The following KIRREL3 variants were observed in gnomAD, a reference collection of about 807,000 sequenced individuals.
The protein encoded by KIRREL3 is kirre like nephrin family adhesion molecule 3.
A neutral mutation model predicts 89.7 loss-of-function variants in KIRREL3; 36 were observed. That is an observed-to-expected ratio of 0.40 (90% CI 0.31 to 0.53). The LOEUF is 0.53. Ranked by LOEUF, KIRREL3 falls within the 20% of genes least tolerant of loss-of-function variation. The pLI is 0.49. For synonymous variants in KIRREL3, 445 were observed against 441.4 expected, an observed-to-expected ratio of 1.01 and a Z score of -0.10; for missense variants, 864 against 1,056.6, an observed-to-expected ratio of 0.82 and a Z score of 2.53.
At chr11:126,961,634 T>C (rs1422080604) in intron 1 of KIRREL3, among the ~76,000 whole-genome samples, 8 of 152,234 alleles carry the variant, frequency 5.3e-5, no homozygotes, top group African/African-American at 1.9e-4. Context: ...TAAGTGCTGA[T>C]GTAGAAGCTG....
Position 126,655,095 on chromosome 11 carries a change from T to C in KIRREL3, c.56-92183A>G, listed in dbSNP as rs1945076776. Among the ~76,000 whole-genome samples, 1 of 152,184 alleles carries C rather than the reference T, an allele frequency of 6.6e-6. No homozygotes were observed. The highest frequency in any genetic ancestry group is 6.5e-5 in the Admixed American group (1 of 15,284). On this transcript the variant is annotated intron_variant, in intron 1 of 16. Coordinates refer to ENST00000525144, the MANE Select transcript of KIRREL3 (RefSeq NM_032531.4). The surrounding 1 kb of genome is among the most constrained non-coding windows in gnomAD (Gnocchi z 5.0). ...GGCAGGTGGTGGTGGAGCACATCTGTCTCTCTCCGTGTTGGTGGCTGTGAT... is the reference window on the plus strand; with the variant it reads ...GGCAGGTGGTGGTGGAGCACATCTGCCTCTCTCCGTGTTGGTGGCTGTGAT...
chr11:126,950,464 G>A (rs375613955), intron 1 of KIRREL3, among the ~76,000 whole-genome samples: 8 of 152,102 alleles, frequency 5.3e-5, no homozygotes, highest in African/African-American at 1.9e-4. Flanking sequence ...ACGGGCAGGC[G>A]GTAAAGATCT....
rs981609082 is a variant in KIRREL3 at position 126,763,259 on chromosome 11, G to A, written c.56-200347C>T. On this transcript the variant is annotated intron_variant, in intron 1 of 16. Coordinates refer to ENST00000525144, the MANE Select transcript of KIRREL3 (RefSeq NM_032531.4). This position sits in a 1 kb window ranked among gnomAD's most constrained non-coding sequence, Gnocchi z 4.7. ...GATTTCTGGAACATCTCCCAATGTCGGCGTTCTGTGATGTGACAATTCCAT... is the reference window on the plus strand; with the variant it reads ...GATTTCTGGAACATCTCCCAATGTCAGCGTTCTGTGATGTGACAATTCCAT... 1.3e-5 allele frequency among the ~76,000 whole-genome samples: 2 copies of A among 152,126 alleles called. No homozygotes were observed. The highest frequency in any genetic ancestry group is 2.9e-5 in the Non-Finnish European group (2 of 68,032).
In KIRREL3 at chr11:126,623,432, G is replaced by A. The variant is rs1943652827; in HGVS notation, c.56-60520C>T. Among the ~76,000 whole-genome samples, 1 of 152,160 alleles carries A rather than the reference G, an allele frequency of 6.6e-6. No individual in the cohort carries two copies. The highest frequency in any genetic ancestry group is 1.5e-5 in the Non-Finnish European group (1 of 68,024). ...TCAGCTTGTTGCTCCTTCACTGTAA[G>A]TCCAAGTTCTTTGAAGGAAGGAACT... On this transcript the variant is annotated intron_variant, in intron 1 of 16. Coordinates refer to ENST00000525144, the MANE Select transcript of KIRREL3 (RefSeq NM_032531.4). The surrounding 1 kb of genome is among the most constrained non-coding windows in gnomAD (Gnocchi z 4.1).
At chr11:126,888,606 C>T (rs181099583) in intron 1 of KIRREL3, among the ~76,000 whole-genome samples, 14 of 152,248 alleles carry the variant, frequency 9.2e-5, no homozygotes, top group Non-Finnish European at 1.5e-4. Context: ...CCTCACGAGG[C>T]CCTCCCATTC....
intron 1 of KIRREL3, among the ~76,000 whole-genome samples, chr11:126,774,495 G>A (rs531047772): frequency 4.6e-5 from 7 of 152,302 alleles, no homozygotes; most frequent in Middle Eastern, 3.4e-3. Context: ...GGTCATCCAC[G>A]CTCTGGGCTA....
chr11:126,668,098 A>G lies in KIRREL3; in HGVS notation c.56-105186T>C, dbSNP rs1411766547. ...CTTAGTCAGTTTCGGCTATAACAAA[A>G]CACCATAAACTGGGTGGTTTATAAA... On this transcript the variant is annotated intron_variant, in intron 1 of 16. Transcript: ENST00000525144. The surrounding 1 kb of genome is among the most constrained non-coding windows in gnomAD (Gnocchi z 4.4). Among the ~76,000 whole-genome samples, 5 of 152,172 alleles carry G rather than the reference A, an allele frequency of 3.3e-5. No individual in the cohort carries two copies. Among genetic ancestry groups the G allele is most frequent in the Non-Finnish European group, 7.3e-5 (5 of 68,036 alleles).
At chr11:126,775,117 C>G (rs1950133518) in intron 1 of KIRREL3, among the ~76,000 whole-genome samples, 1 of 152,158 alleles carries the variant, frequency 6.6e-6, no homozygotes, top group Non-Finnish European at 1.5e-5. Context: ...TACCGAACTC[C>G]CCAGGTCCCA....
At chr11:126,702,204 T>C (rs1056594597) in intron 1 of KIRREL3, among the ~76,000 whole-genome samples, 13 of 152,284 alleles carry the variant, frequency 8.5e-5, no homozygotes, top group African/African-American at 3.1e-4. Flanking sequence ...TTGTGAGAAT[T>C]TAATGATAAT....
chr11:126,826,812 C>G (rs1261103211), intron 1 of KIRREL3, among the ~76,000 whole-genome samples: 5 of 152,202 alleles, frequency 3.3e-5, no homozygotes, highest in Non-Finnish European at 5.9e-5. Flanking sequence ...AAATGAGTAT[C>G]TATCACGATG....
rs11823106 is a variant in KIRREL3 at position 126,498,537 on chromosome 11, A to C, written c.433+22778T>G. Among the ~76,000 whole-genome samples the C allele has an allele frequency of 0.4, 60,231 of 152,066 alleles. 12,254 individuals are homozygous for C. Among genetic ancestry groups the C allele is most frequent in the Non-Finnish European group, 0.44 (29,701 of 67,976 alleles). ...AATCAGATCTAATTAGTAATTATAA[A>C]AGATCCCGACTAGAAATTGTTTTCA... On this transcript the variant is annotated intron_variant, in intron 4 of 16. Transcript: ENST00000525144. The surrounding 1 kb of genome is among the most constrained non-coding windows in gnomAD (Gnocchi z 4.3).
intron 1 of KIRREL3, among the ~76,000 whole-genome samples, chr11:126,644,899 G>A (rs912352218): frequency 6.6e-6 from 1 of 152,166 alleles, no homozygotes; most frequent in African/African-American, 2.4e-5. Context: ...CTTGAGCCTG[G>A]TGCCTTTGAC....
chr11:126,704,466 A>G lies in KIRREL3; in HGVS notation c.56-141554T>C, dbSNP rs767431672. ...GGCTGTAGGGGCTCACAGTCTTGTCACTTAGAAGGTCTGTCTGAGAGACCT... is the reference window on the plus strand; with the variant it reads ...GGCTGTAGGGGCTCACAGTCTTGTCGCTTAGAAGGTCTGTCTGAGAGACCT... On this transcript the variant is annotated intron_variant, in intron 1 of 16. Transcript: ENST00000525144. The surrounding 1 kb of genome is among the most constrained non-coding windows in gnomAD (Gnocchi z 4.2). Among the ~76,000 whole-genome samples the G allele has an allele frequency of 1.3e-5, 2 of 152,172 alleles. No homozygotes were observed. The highest frequency in any genetic ancestry group is 2.4e-5 in the African/African-American group (1 of 41,428).
chr11:126,965,270 C>T lies in KIRREL3; in HGVS notation c.55+35185G>A, dbSNP rs1449068371. On this transcript the variant is annotated intron_variant, in intron 1 of 16. Coordinates refer to ENST00000525144, the MANE Select transcript of KIRREL3 (RefSeq NM_032531.4). This position sits in a 1 kb window ranked among gnomAD's most constrained non-coding sequence, Gnocchi z 4.4. ...TAGTTAATTTATATCCCATTGTTCA[C>T]AAATCTACTTAGGCTGTTCAATTGT... 2.0e-5 allele frequency among the ~76,000 whole-genome samples: 3 copies of T among 152,136 alleles called. No individual in the cohort carries two copies. The highest frequency in any genetic ancestry group is 4.1e-4 in the South Asian group (2 of 4,826).
In KIRREL3 at chr11:126,557,887, C is replaced by T. The variant is rs1278745259; in HGVS notation, c.133+4948G>A. Among the ~76,000 whole-genome samples, 1 of 152,202 alleles carries T rather than the reference C, an allele frequency of 6.6e-6. No homozygotes were observed. The highest frequency in any genetic ancestry group is 6.5e-5 in the Admixed American group (1 of 15,282). The stretch of plus-strand genomic sequence containing the variant: ...TAGTTATTTATGGAACCAGCTTTCC[C>T]CTTCCTGGGTGCTCCAGCTCTTCCC... On this transcript the variant is annotated intron_variant, in intron 2 of 16. Coordinates refer to ENST00000525144, the MANE Select transcript of KIRREL3 (RefSeq NM_032531.4). This position sits in a 1 kb window ranked among gnomAD's most constrained non-coding sequence, Gnocchi z 5.6.
intron 4 of KIRREL3, among the ~76,000 whole-genome samples, chr11:126,506,825 A>G (rs374930053): frequency 2.7e-5 from 4 of 150,858 alleles, no homozygotes; most frequent in Admixed American, 6.6e-5. Context: ...GGATTTTGCC[A>G]TGTTGGCCAA....
intron 1 of KIRREL3, among the ~76,000 whole-genome samples, chr11:126,592,116 G>A (rs1481649879): frequency 6.6e-6 from 1 of 152,092 alleles, no homozygotes; most frequent in Non-Finnish European, 1.5e-5. Flanking sequence ...GCCTTTTGTC[G>A]AGCCCCTGGG....
chr11:126,479,174 A>G (rs1178720968), intron 4 of KIRREL3, among the ~76,000 whole-genome samples: 1 of 152,102 alleles, frequency 6.6e-6, no homozygotes, highest in African/African-American at 2.4e-5. Flanking sequence ...AGTCAGTGCT[A>G]GGAGTTCCAG....
At chr11:126,928,185 C>T (rs1947799408) in intron 1 of KIRREL3, among the ~76,000 whole-genome samples, 1 of 152,192 alleles carries the variant, frequency 6.6e-6, no homozygotes, top group South Asian at 2.1e-4. Context: ...CTTCACTGGC[C>T]TTGAGGATGT....
Sources: gnomAD v4.1 joint callset for allele counts (sites outside exome capture counted in the v4.1 genomes callset) on GRCh38, gnomAD v4.1.1 for gene constraint, Gnocchi (gnomAD v3.1) non-coding constraint, MANE v1.5 for transcripts, NCBI Gene and HGNC (gene_info 2026-07-23, HGNC 2026-07-21) for gene names.